Variants in TMEM178B observed in about 807,000 individuals in gnomAD.
TMEM178B encodes the protein transmembrane protein 178B.
In TMEM178B, 5 loss-of-function variants were observed where a neutral mutation model predicts 31.0. The ratio of observed to expected loss-of-function variants is 0.16; its 90% confidence interval spans 0.08 to 0.34. The LOEUF (loss-of-function observed/expected upper bound fraction) is 0.34. Among genes scored for constraint, TMEM178B ranks in the 10% least tolerant of loss-of-function variants. The pLI is 1.00. For missense variants in TMEM178B, 275 were observed against 400.3 expected (o/e 0.69, Z 2.67); for synonymous variants, 164 against 164.0 (o/e 1.00, Z 0.00).
At chr7:141,245,170 C>CAAAAAAAAAAAAAAAA (rs59281560) in intron 2 of TMEM178B, among the ~76,000 whole-genome samples, 1 of 23,110 alleles carries the variant, frequency 4.3e-5, no homozygotes, top group African/African-American at 1.6e-4. Context: ...ACTCCATCAC[C>CAAAAAAAAAAAAAAAA]AAAAAAAAAA....
At chr7:141,326,549 A>G (rs1563152286) in intron 2 of TMEM178B, among the ~76,000 whole-genome samples, 1 of 152,176 alleles carries the variant, frequency 6.6e-6, no homozygotes, top group African/African-American at 2.4e-5. Flanking sequence ...TGTTCCTATT[A>G]TAGATTAAGA....
intron 1 of TMEM178B, among the ~76,000 whole-genome samples, chr7:141,172,265 T>C (rs551510228): frequency 6.6e-6 from 1 of 152,208 alleles, no homozygotes; most frequent in Non-Finnish European, 1.5e-5. Context: ...AGCATGGTGT[T>C]AGGCACTGGG....
At chr7:141,439,261 A>G (rs1281673730) in intron 3 of TMEM178B, among the ~76,000 whole-genome samples, 2 of 152,112 alleles carry the variant, frequency 1.3e-5, no homozygotes, top group Admixed American at 1.3e-4. Flanking sequence ...ACTCAGGGCT[A>G]AAAAAACCGT....
At chr7:141,195,955 G>A (rs1057349011) in intron 1 of TMEM178B, among the ~76,000 whole-genome samples, 13 of 152,212 alleles carry the variant, frequency 8.5e-5, no homozygotes, top group South Asian at 2.1e-4. Flanking sequence ...AGGAAAGACC[G>A]GATCCCATGA....
downstream of TMEM178B, among the ~76,000 whole-genome samples, chr7:141,481,808 TC>T (rs1802481276): frequency 1.3e-5 from 2 of 152,118 alleles, no homozygotes; most frequent in Admixed American, 1.3e-4. Context: ...ATACCACTGA[TC>T]TTAAGAAGTG....
chr7:141,380,741 A>G (rs2116586571), intron 2 of TMEM178B, among the ~76,000 whole-genome samples: 1 of 152,322 alleles, frequency 6.6e-6, no homozygotes, highest in Middle Eastern at 3.4e-3. Flanking sequence ...GATCCTTGAG[A>G]TAATTATTCA....
intron 2 of TMEM178B, among the ~76,000 whole-genome samples, chr7:141,410,014 G>T (rs1018747644): frequency 6.6e-6 from 1 of 152,132 alleles, no homozygotes. Flanking sequence ...CTCAGCAGCC[G>T]CCAGGCCATG....
At chr7:141,392,062 T>G (rs973262425) in intron 2 of TMEM178B, among the ~76,000 whole-genome samples, 15 of 80,000 alleles carry the variant, frequency 1.9e-4, no homozygotes, top group African/African-American at 6.3e-4. Context: ...AATTCTATGG[T>G]TTTTTTTTTT....
intron 1 of TMEM178B, among the ~76,000 whole-genome samples, chr7:141,164,318 G>A (rs1431635307): frequency 6.6e-6 from 1 of 152,172 alleles, no homozygotes; most frequent in African/African-American, 2.4e-5. Flanking sequence ...TGAGATAGGC[G>A]AGTCAGTGTG....
chr7:141,471,154 G>A lies in TMEM178B; in HGVS notation c.*368G>A, dbSNP rs1222788661. On this transcript the variant is annotated 3_prime_UTR_variant, in exon 4 of 4. Coordinates refer to ENST00000565468, the MANE Select transcript of TMEM178B (RefSeq NM_001195278.2). This position sits in a 1 kb window ranked among gnomAD's most constrained non-coding sequence, Gnocchi z 4.1. ...AGTGCCACCCACTGGGTCAACGGGAGAGGACGCCACCCCTAACCAGTCATA... is the reference window on the plus strand; with the variant it reads ...AGTGCCACCCACTGGGTCAACGGGAAAGGACGCCACCCCTAACCAGTCATA... The A allele has an allele frequency of 6.6e-6, 1 of 152,204 alleles. No individual in the cohort carries two copies. The highest frequency in any genetic ancestry group is 6.5e-5 in the Admixed American group (1 of 15,270). 9.4% of individuals were successfully genotyped at this position (152,204 alleles called of 1,614,324 possible).
At chr7:141,305,125 C>A (rs1215567864) in intron 2 of TMEM178B, among the ~76,000 whole-genome samples, 1 of 152,194 alleles carries the variant, frequency 6.6e-6, no homozygotes, top group African/African-American at 2.4e-5. Context: ...TGGTCTATGA[C>A]ATATTGGGCT....
intron 2 of TMEM178B, among the ~76,000 whole-genome samples, chr7:141,223,511 T>G (rs1404853831): frequency 1.3e-5 from 2 of 148,856 alleles, no homozygotes; most frequent in African/African-American, 5.1e-5. Context: ...TTCCCTGATA[T>G]CTAACTCTGG....
intron 1 of TMEM178B, among the ~76,000 whole-genome samples, chr7:141,189,569 A>G (rs1796665017): frequency 6.6e-6 from 1 of 152,216 alleles, no homozygotes; most frequent in South Asian, 2.1e-4. Flanking sequence ...CGGTCATCAC[A>G]GTCAGGCCCT....
In TMEM178B at chr7:141,154,338, G is replaced by A. The variant is rs529083142; in HGVS notation, c.383-58253G>A. Among the ~76,000 whole-genome samples, 162 of 152,354 alleles carry A rather than the reference G, an allele frequency of 1.1e-3. 1 individual carries two copies. The highest frequency in any genetic ancestry group is 3.5e-3 in the African/African-American group (147 of 41,586). On this transcript the variant is annotated intron_variant, in intron 1 of 3. Transcript: ENST00000565468. Reference sequence around the variant, plus strand: ...CAGGCCAGCCCATGCCACATGGGTCGCTGAGGTCCTCATTGCTGGAACTGG... The same window carrying A: ...CAGGCCAGCCCATGCCACATGGGTCACTGAGGTCCTCATTGCTGGAACTGG...
At chr7:141,076,619 T>C (rs1794604187) in intron 1 of TMEM178B, among the ~76,000 whole-genome samples, 1 of 152,132 alleles carries the variant, frequency 6.6e-6, no homozygotes, top group African/African-American at 2.4e-5. Context: ...TTGGTTGCCA[T>C]AGTGACATGT....
At chr7:141,392,067 T>TG (rs1025950567) in intron 2 of TMEM178B, among the ~76,000 whole-genome samples, 1 of 152,090 alleles carries the variant, frequency 6.6e-6, no homozygotes, top group Non-Finnish European at 1.5e-5. Context: ...TATGGTTTTT[T>TG]TTTTTGAGAA....
intron 2 of TMEM178B, among the ~76,000 whole-genome samples, chr7:141,404,644 A>G (rs894277105): frequency 5.3e-5 from 8 of 152,190 alleles, no homozygotes; most frequent in South Asian, 2.1e-4. Context: ...GAGATCCTCC[A>G]TTCAATTACA....
intron 1 of TMEM178B, among the ~76,000 whole-genome samples, chr7:141,134,108 G>A (rs1010372297): frequency 1.3e-5 from 2 of 152,098 alleles, no homozygotes; most frequent in African/African-American, 4.8e-5. Flanking sequence ...GGTGGTGCAT[G>A]CCTGTAGTCC....
chr7:141,089,803 T>C (rs1221614227), intron 1 of TMEM178B, among the ~76,000 whole-genome samples: 1 of 151,732 alleles, frequency 6.6e-6, no homozygotes, highest in East Asian at 1.9e-4. Context: ...AGGTGGGAAT[T>C]GAACAGTGAG....
Sources: allele counts gnomAD v4.1 joint callset (sites outside exome capture counted in the v4.1 genomes callset), GRCh38; gene constraint gnomAD v4.1.1; non-coding constraint Gnocchi (gnomAD v3.1); transcripts MANE v1.5; gene names NCBI Gene and HGNC (gene_info 2026-07-23, HGNC 2026-07-21).